Variants in TMBIM6 observed in about 807,000 individuals in gnomAD.
TMBIM6 encodes bax inhibitor 1.
Under a neutral mutation model 31.4 loss-of-function variants are expected in TMBIM6, and 13 were observed. The ratio of observed to expected loss-of-function variants is 0.41; its 90% CI spans 0.27 to 0.66. TMBIM6 has a LOEUF of 0.66. TMBIM6 is among the 30% of genes least tolerant of loss of function. The pLI is 0.28. For synonymous variants in TMBIM6, 85 were observed against 101.7 expected, an observed-to-expected ratio of 0.84 and a Z score of 0.99; for missense variants, 275 against 289.5, an observed-to-expected ratio of 0.95 and a Z score of 0.36.
At chr12:49,745,465 C>T (rs1030422884) in intron 1 of TMBIM6, among the ~76,000 whole-genome samples, 1 of 152,164 alleles carries the variant, frequency 6.6e-6, no homozygotes, top group African/African-American at 2.4e-5. Flanking sequence ...TGGCTCATGC[C>T]TGTAATCCCA....
chr12:49,742,216 G>T, intron 1 of TMBIM6: 4 of 1,613,454 alleles, frequency 2.5e-6, no homozygotes, highest in Non-Finnish European at 3.4e-6. Flanking sequence ...GGAGTCTGGG[G>T]CTGGGGCTGC....
chr12:49,747,863 G>A (rs993528304), intron 1 of TMBIM6, among the ~76,000 whole-genome samples: 1 of 152,132 alleles, frequency 6.6e-6, no homozygotes, highest in African/African-American at 2.4e-5. Context: ...TAGCTCCTAG[G>A]TGTGTGGGAA....
intron 8 of TMBIM6, among the ~76,000 whole-genome samples, chr12:49,760,762 G>A (rs1945703215): frequency 1.3e-5 from 2 of 151,370 alleles, no homozygotes; most frequent in East Asian, 3.9e-4. Context: ...ACATGGTGTC[G>A]AACTCTTGGC....
chr12:49,759,340 C>G lies in TMBIM6; in HGVS notation c.614+19C>G. 1 of 1,593,764 alleles carries G rather than the reference C, an allele frequency of 6.3e-7. No individual in the cohort carries two copies. Among genetic ancestry groups the G allele is most frequent in the East Asian group, 2.2e-5 (1 of 44,778 alleles). On this transcript the variant is annotated intron_variant, in intron 8 of 9. Coordinates refer to ENST00000267115, the MANE Select transcript of TMBIM6 (RefSeq NM_003217.3). ...ATATCTGGTGAGTGTGGGAACTAGTCTTTAACAAGCATGAAGGTTGAGGCA... is the reference window on the plus strand; with the variant it reads ...ATATCTGGTGAGTGTGGGAACTAGTGTTTAACAAGCATGAAGGTTGAGGCA...
chr12:49,755,223 C>T (rs1481835727), intron 3 of TMBIM6, among the ~76,000 whole-genome samples: 5 of 152,134 alleles, frequency 3.3e-5, no homozygotes, highest in Admixed American at 6.6e-5. Flanking sequence ...TCCCAAAGTG[C>T]TGGGATTACA....
intron 9 of TMBIM6, 190 bp downstream of exon 9, chr12:49,761,969 T>G (rs1426291784): frequency 2.1e-5 from 12 of 564,236 alleles, no homozygotes; most frequent in Non-Finnish European, 3.4e-5. Context: ...AAAAAAAAAT[T>G]TTTTTAACTA....
intron 1 of TMBIM6, among the ~76,000 whole-genome samples, chr12:49,751,131 G>A (rs564384723): frequency 6.6e-6 from 1 of 152,290 alleles, no homozygotes; most frequent in African/African-American, 2.4e-5. Flanking sequence ...TGAAATAGGG[G>A]AGGGAGCAAA....
chr12:49,741,849 G>C (rs1056400549), intron 1 of TMBIM6: 5 of 430,096 alleles, frequency 1.2e-5, no homozygotes, highest in South Asian at 4.9e-5. Context: ...GAGTCTGCGG[G>C]GGTTTTGGGG....
At chr12:49,761,070 T>G (rs1945710073) in intron 8 of TMBIM6, among the ~76,000 whole-genome samples, 1 of 151,964 alleles carries the variant, frequency 6.6e-6, no homozygotes, top group Non-Finnish European at 1.5e-5. Context: ...AACTCCTGAC[T>G]CAGGTGATGC....
chr12:49,742,371 T>C (rs2136920830), intron 1 of TMBIM6: 1 of 1,465,908 alleles, frequency 6.8e-7, no homozygotes, highest in South Asian at 1.4e-5. Context: ...GTTTTTATCT[T>C]GGGCCTACTT....
rs1945724071 is a variant in TMBIM6 at position 49,761,766 on chromosome 12, C to T, written c.677C>T (p.Ala226Val). Reference protein sequence around the residue: ...TVFRKLMMILAMNEKDKKKEK... With the variant: ...TVFRKLMMILVMNEKDKKKEK... ...TTCAGAAAACTCATGATGATCCTGG[C>T]CATGAATGAAAAGGTTAGTTAGCCT... The change falls in exon 9 of 10, where the codon GCC becomes GTC. Residue 226 changes from alanine to valine, a missense_variant. Coordinates refer to ENST00000267115, the MANE Select transcript of TMBIM6 (RefSeq NM_003217.3). 1 of 1,614,154 alleles carries T rather than the reference C, an allele frequency of 6.2e-7. No homozygotes were observed. The highest frequency in any genetic ancestry group is 1.3e-5 in the African/African-American group (1 of 75,048).
Position 49,764,191 on chromosome 12 carries a change from C to G in TMBIM6, c.*1295C>G, listed in dbSNP as rs555845944. 1.4e-5 allele frequency: 2 copies of G among 139,788 alleles called. No individual in the cohort carries two copies. Among genetic ancestry groups the G allele is most frequent in the East Asian group, 3.9e-4 (2 of 5,120 alleles). The allele number at this position is 139,788 out of a possible 1,614,324, so 8.7% of individuals were successfully genotyped here. The stretch of plus-strand genomic sequence containing the variant: ...ACAGTCCTAATGGGGATCTCCAGCT[C>G]CTTCCTGTGGGCTGCCACAGACAGC... On this transcript the variant is annotated 3_prime_UTR_variant, in exon 10 of 10. Transcript: ENST00000267115.
intron 4 of TMBIM6, among the ~76,000 whole-genome samples, chr12:49,756,798 A>G (rs1470888874): frequency 6.7e-6 from 1 of 148,804 alleles, no homozygotes; most frequent in Non-Finnish European, 1.5e-5. Context: ...GTGCAGTGGC[A>G]CGATCTTGGC....
intron 1 of TMBIM6, among the ~76,000 whole-genome samples, chr12:49,747,306 G>T (rs772212439): frequency 2.0e-5 from 3 of 151,916 alleles, no homozygotes; most frequent in Admixed American, 6.6e-5. Flanking sequence ...CGGTTTTGCT[G>T]TGTTGCCCAG....
chr12:49,758,562 C>G (rs1258173193), intron 6 of TMBIM6, 82 bp downstream of exon 6: 2 of 1,548,744 alleles, frequency 1.3e-6, no homozygotes, highest in East Asian at 4.5e-5. Context: ...ACCCCTAACT[C>G]CTTTGCGACT....
intron 1 of TMBIM6, among the ~76,000 whole-genome samples, chr12:49,746,470 T>C (rs1945396463): frequency 6.6e-6 from 1 of 152,232 alleles, no homozygotes; most frequent in Admixed American, 6.5e-5. Context: ...TTACCATGTA[T>C]TGAACTCATT....
chr12:49,747,113 C>T (rs1945409792), intron 1 of TMBIM6, among the ~76,000 whole-genome samples: 1 of 152,114 alleles, frequency 6.6e-6, no homozygotes. Context: ...GCTGGGATTA[C>T]AGGCATGAGC....
intron 1 of TMBIM6, chr12:49,742,521 T>A: frequency 2.4e-6 from 1 of 415,372 alleles, no homozygotes; most frequent in East Asian, 4.4e-5. Flanking sequence ...ACTATGAACT[T>A]GAGACTGTGT....
chr12:49,746,972 A>T (rs1348990397), intron 1 of TMBIM6, among the ~76,000 whole-genome samples: 1 of 151,890 alleles, frequency 6.6e-6, no homozygotes, highest in Non-Finnish European at 1.5e-5. Flanking sequence ...AGTAGCTGGG[A>T]TTACAGGCGC....
Sources: gnomAD v4.1 joint callset for allele counts (sites outside exome capture counted in the v4.1 genomes callset) on GRCh38, gnomAD v4.1.1 for gene constraint, MANE v1.5 for transcripts, NCBI Gene and HGNC (gene_info 2026-07-23, HGNC 2026-07-21) for gene names.